Variants in PHRF1 observed in about 807,000 individuals in gnomAD.
PHRF1 encodes the protein PHD and RING finger domain-containing protein 1.
In PHRF1, 53 loss-of-function variants were observed where a neutral mutation model predicts 128.9. The observed-to-expected ratio is 0.41, with a 90% confidence interval of 0.33 to 0.52. The LOEUF is 0.52. PHRF1 is among the 20% of genes least tolerant of loss of function. The pLI, the probability that PHRF1 is intolerant of heterozygous loss-of-function variation, is 0.21. For missense variants in PHRF1, 2,503 were observed against 2,284.5 expected (o/e 1.10, Z -1.95); for synonymous variants, 1,178 against 980.6 (o/e 1.20, Z -3.76).
rs777272584 is a variant in PHRF1, at chr11:587,330, G to A, written c.286G>A (p.Ala96Thr). 4.3e-6 allele frequency: 7 copies of A among 1,613,612 alleles called. No homozygotes were observed. In the Admixed American group the frequency reaches 5.0e-5, roughly 12 times the overall value. Residue 96 changes from alanine to threonine, a missense_variant, in exon 4 of 18, where the codon GCT (alanine) becomes ACT (threonine). Physicochemically the swap from Ala to Thr is moderately conservative, Grantham distance 58 (BLOSUM62 0). Coordinates refer to ENST00000264555, the MANE Select transcript of PHRF1 (RefSeq NM_001286581.2). ...GGGTACTCAGGGGAAACTGGAAGCC[G>A]CTGGCTCTTTCAATTCTGATGATGA... The part of the protein sequence containing the change: ...VAGTQGKLEA[A>T]GSFNSDDDAE...
chr11:608,913 G>T lies in PHRF1; in HGVS notation c.3457G>T (p.Ala1153Ser). 6.2e-7 allele frequency: 1 copy of T among 1,612,048 alleles called. No individual in the cohort carries two copies. Among genetic ancestry groups the T allele is most frequent in the South Asian group, 1.1e-5 (1 of 91,044 alleles). ...GCGGCCAGACAGGAAGGAGAGTGTG[G>T]CGTGGCCCCGAGACCGGAGGAAGCG... is the stretch of plus-strand genomic sequence containing the variant. ...HERPDRKESVAWPRDRRKRRS... is the reference protein window; with the variant it reads ...HERPDRKESVSWPRDRRKRRS... Residue 1153 changes from alanine to serine, a missense_variant, in exon 14 of 18, where the codon GCG becomes TCG. By Grantham distance (99) the Ala-to-Ser change is moderately conservative. Transcript: ENST00000264555.
intron 11 of PHRF1, 132 bp downstream of exon 11, chr11:605,432 G>T: frequency 6.8e-7 from 1 of 1,459,860 alleles, no homozygotes; most frequent in Non-Finnish European, 9.3e-7. Context: ...TCCTCCCACC[G>T]CCATACGGTG....
In PHRF1 at chr11:588,674, C is replaced by A. The variant is rs1027337087; in HGVS notation, c.420+1210C>A. ...GATTACAGGCGTGAGCCACCACGCC[C>A]GGCCATTTTTATTTTTATTTTTTTT... is the stretch of plus-strand genomic sequence containing the variant. On this transcript the variant is annotated intron_variant, in intron 4 of 17. Coordinates refer to ENST00000264555, the MANE Select transcript of PHRF1 (RefSeq NM_001286581.2). Among the ~76,000 whole-genome samples the A allele has an allele frequency of 3.3e-5, 5 of 152,070 alleles. No individual in the cohort carries two copies. The South Asian group carries it at 8.3e-4, about 25-fold the overall frequency.
At position 597,003 on chromosome 11, in the gene PHRF1, G is replaced by T; in HGVS notation, c.701G>T (p.Gly234Val). The T allele has an allele frequency of 6.2e-7, 1 of 1,613,872 alleles. No individual in the cohort carries two copies. The highest frequency in any genetic ancestry group is 1.1e-5 in the South Asian group (1 of 91,070). The change falls in exon 7 of 18, where the codon GGT (glycine) becomes GTT (valine). Residue 234 changes from glycine (G) to valine (V), a missense_variant. Gly to Val is a moderately radical substitution (Grantham distance 109). Coordinates refer to ENST00000264555, the MANE Select transcript of PHRF1 (RefSeq NM_001286581.2). This position sits in a 1 kb window ranked among gnomAD's most constrained non-coding sequence, Gnocchi z 6.5. ...TTCTGCCCGGAATGTGCTGCGCCTGGTGTTGTCCTTGCCGCTGGTAAGGAC... is the reference window on the plus strand; with the variant it reads ...TTCTGCCCGGAATGTGCTGCGCCTGTTGTTGTCCTTGCCGCTGGTAAGGAC... ...EWFCPECAAPGVVLAADAGPV... is the reference protein window; with the variant it reads ...EWFCPECAAPVVVLAADAGPV...
intron 14 of PHRF1, 86 bp downstream of exon 14, chr11:609,806 T>A: frequency 2.2e-6 from 2 of 893,320 alleles, no homozygotes; most frequent in East Asian, 2.8e-5. Context: ...CCCCCGTGAG[T>A]AAGGCCCCGG....
intron 10 of PHRF1, among the ~76,000 whole-genome samples, chr11:602,855 C>G (rs372479049): frequency 1.3e-5 from 2 of 151,040 alleles, no homozygotes; most frequent in African/African-American, 4.9e-5. Context: ...CTCCACCTCC[C>G]GGGTTCAAGT....
Position 607,277 on chromosome 11 carries a change from C to G in PHRF1, c.1821C>G (p.Ala607=). ...GAPVRLDLPA[A]PGAVQARNLS... Reference sequence around the variant, plus strand: ...CTGTGAGGCTGGACTTGCCAGCAGCCCCTGGGGCGGTTCAGGCTCGGAACT... The same window carrying G: ...CTGTGAGGCTGGACTTGCCAGCAGCGCCTGGGGCGGTTCAGGCTCGGAACT... The change falls in exon 14 of 18, where the codon GCC becomes GCG. Residue 607 remains alanine, a synonymous_variant. Coordinates refer to ENST00000264555, the MANE Select transcript of PHRF1 (RefSeq NM_001286581.2). 6.2e-7 allele frequency: 1 copy of G among 1,612,654 alleles called. No homozygotes were observed. The highest frequency in any genetic ancestry group is 8.5e-7 in the Non-Finnish European group (1 of 1,179,876).
At position 609,306 on chromosome 11, in the gene PHRF1, G is replaced by A. The variant is rs1444646002; in HGVS notation, c.3850G>A (p.Asp1284Asn). The A allele has an allele frequency of 1.9e-6, 3 of 1,612,492 alleles. No homozygotes were observed. Among genetic ancestry groups the A allele is most frequent in the Non-Finnish European group, 2.5e-6 (3 of 1,179,880 alleles). ...AAGCGACGCCGTTTTCATCCAGCTC[G>A]ATGACATGAGCTCGCCACCTTCTCC... ...FSSDAVFIQL[D>N]DMSSPPSPES... is the part of the protein sequence containing the mutation. Residue 1284 changes from aspartate to asparagine, a missense_variant, in exon 14 of 18, where the codon GAT becomes AAT. By Grantham distance (23) the Asp-to-Asn change is conservative. Coordinates refer to ENST00000264555, the MANE Select transcript of PHRF1 (RefSeq NM_001286581.2).
At chr11:589,179 CT>C (rs1854773258) in intron 4 of PHRF1, among the ~76,000 whole-genome samples, 1 of 151,600 alleles carries the variant, frequency 6.6e-6, no homozygotes, top group Admixed American at 6.6e-5. Context: ...TGTTAAAATG[CT>C]GCTTAGCGAG....
At chr11:605,473 G>T (rs1009743739) in intron 11 of PHRF1, 132 bp from the exon 12 acceptor site, 2 of 1,491,656 alleles carry the variant, frequency 1.3e-6, no homozygotes, top group Non-Finnish European at 1.8e-6. Context: ...CAGAGGTCTG[G>T]TTCGGGGCCC....
intron 9 of PHRF1, 58 bp from the exon 10 acceptor site, chr11:601,516 G>C: frequency 3.1e-6 from 5 of 1,607,894 alleles, no homozygotes; most frequent in Non-Finnish European, 4.2e-6. Flanking sequence ...GGACTCACAG[G>C]AATGGGGCAG....
chr11:601,466 G>T (rs1424538953), intron 9 of PHRF1, 108 bp from the exon 10 acceptor site: 1 of 1,485,028 alleles, frequency 6.7e-7, no homozygotes, highest in East Asian at 2.3e-5. Flanking sequence ...GGTGCGTGTG[G>T]TCCCGCTGTA....
rs766834922 is a variant in PHRF1 at position 608,176 on chromosome 11, G to C, written c.2720G>C (p.Gly907Ala). Residue 907 changes from glycine to alanine, a missense_variant, in exon 14 of 18, where the codon GGT becomes GCT. Physicochemically the swap from Gly to Ala is moderately conservative, Grantham distance 60 (BLOSUM62 0). Transcript: ENST00000264555. ...GPSSAMSKLRGAVAAEGASDT... is the reference protein window; with the variant it reads ...GPSSAMSKLRAAVAAEGASDT... The stretch of plus-strand genomic sequence containing the variant: ...TCCTCCGCCATGTCCAAGCTCCGGG[G>C]TGCAGTGGCTGCCGAGGGGGCCTCT... The C allele has an allele frequency of 1.2e-6, 2 of 1,610,374 alleles. No individual in the cohort carries two copies. Among genetic ancestry groups the C allele is most frequent in the East Asian group, 4.5e-5 (2 of 44,890 alleles).
intron 1 of PHRF1, among the ~76,000 whole-genome samples, chr11:578,325 C>G (rs968641926): frequency 2.0e-5 from 3 of 152,218 alleles, no homozygotes; most frequent in African/African-American, 7.2e-5. Context: ...CTCACGTAAC[C>G]TGAACGTTCC....
chr11:588,674 C>T (rs1027337087), intron 4 of PHRF1, among the ~76,000 whole-genome samples: 12 of 152,068 alleles, frequency 7.9e-5, no homozygotes, highest in African/African-American at 1.7e-4. Flanking sequence ...CCACCACGCC[C>T]GGCCATTTTT....
rs765443722 is a variant in PHRF1, at chr11:610,728, C to A, written c.4644C>A (p.Pro1548=). Residue 1548 remains proline, a synonymous_variant, in exon 16 of 18, where the codon CCC becomes CCA. Transcript: ENST00000264555. ...ASNSEEKTPA[P]RLAAEKTKKE... is the part of the protein sequence containing the mutation. Reference sequence around the variant, plus strand: ...ACTCGGAGGAGAAGACCCCGGCCCCCAGGCTAGCTGCGGAGAAAACCAAGA... The same window carrying A: ...ACTCGGAGGAGAAGACCCCGGCCCCAAGGCTAGCTGCGGAGAAAACCAAGA... 1.9e-6 allele frequency: 3 copies of A among 1,602,072 alleles called. No individual in the cohort carries two copies. Among genetic ancestry groups the A allele is most frequent in the Middle Eastern group, 3.3e-4 (2 of 6,062 alleles).
chr11:608,340 T>G lies in PHRF1; in HGVS notation c.2884T>G (p.Cys962Gly), dbSNP rs778089924. Residue 962 changes from cysteine to glycine, a missense_variant, in exon 14 of 18, where the codon TGT (cysteine) becomes GGT (glycine). Transcript: ENST00000264555. ...FFGSEERTVTCVTVVEPEAPP... is the reference protein window; with the variant it reads ...FFGSEERTVTGVTVVEPEAPP... ...TGGCTCTGAGGAGCGGACGGTGACCTGTGTGACTGTCGTGGAGCCGGAAGC... is the reference window on the plus strand; with the variant it reads ...TGGCTCTGAGGAGCGGACGGTGACCGGTGTGACTGTCGTGGAGCCGGAAGC... 2 of 1,609,856 alleles carry G rather than the reference T, an allele frequency of 1.2e-6. No homozygotes were observed. The highest frequency in any genetic ancestry group is 2.2e-5 in the South Asian group (2 of 90,844).
In PHRF1 at chr11:605,108, A is replaced by G. The variant is rs61469439; in HGVS notation, c.1153-11A>G. On this transcript the variant is annotated splice_polypyrimidine_tract_variant and intron_variant, in intron 10 of 17. Coordinates refer to ENST00000264555, the MANE Select transcript of PHRF1 (RefSeq NM_001286581.2). ...CTCTCTGTTCATCTTTTTCTTTGTT[A>G]CTGGATTCAGAGTGAAGCCACCACT... The G allele has an allele frequency of 1.3e-3, 2,048 of 1,600,192 alleles. 22 individuals carry two copies. In the African/African-American group the frequency reaches 0.021, roughly 17 times the overall value.
At chr11:588,511 C>G (rs1006002967) in intron 4 of PHRF1, among the ~76,000 whole-genome samples, 4 of 152,006 alleles carry the variant, frequency 2.6e-5, no homozygotes, top group Non-Finnish European at 4.4e-5. Flanking sequence ...TCCCGCGTAG[C>G]TGGAACTGTA....
Sources: gnomAD v4.1 joint callset for allele counts (sites outside exome capture counted in the v4.1 genomes callset) on GRCh38, gnomAD v4.1.1 for gene constraint, Gnocchi (gnomAD v3.1) non-coding constraint, MANE v1.5 for transcripts, NCBI Gene and HGNC (gene_info 2026-07-23, HGNC 2026-07-21) for gene names.